The following TTC34 variants were observed in gnomAD, a reference collection of about 807,000 sequenced individuals.
TTC34 encodes the protein tetratricopeptide repeat protein 34.
In TTC34, 44 loss-of-function variants were observed where a neutral mutation model predicts 40.7. The ratio of observed to expected loss-of-function variants is 1.08; its 90% CI spans 0.85 to 1.39. The LOEUF (loss-of-function observed/expected upper bound fraction) is 1.39, where lower values mean the gene tolerates loss of function less well. Among genes scored for constraint, TTC34 ranks in the 40% most tolerant of loss-of-function variants. The pLI is 0.00. For missense variants in TTC34, 884 were observed against 838.0 expected, an observed-to-expected ratio of 1.05 and a Z score of -0.68; for synonymous variants, 422 against 398.6, an observed-to-expected ratio of 1.06 and a Z score of -0.70.
At chr1:2,790,298 A>C (rs959021003) in exon 3 of TTC34, 1 of 398,240 alleles carries the variant, frequency 2.5e-6, no homozygotes, top group African/African-American at 2.1e-5. Context: ...GCCGTCCAGG[A>C]AGAAGGCCGA....
chr1:2,781,828 G>T (rs1325463345), intron 6 of TTC34, among the ~76,000 whole-genome samples: 2 of 152,066 alleles, frequency 1.3e-5, no homozygotes, highest in African/African-American at 4.8e-5. Context: ...ATTGACATTT[G>T]TATGTTGAAC....
exon 3 of TTC34, chr1:2,790,230 C>T (rs1361737445): frequency 2.3e-5 from 9 of 398,296 alleles, no homozygotes; most frequent in Non-Finnish European, 4.0e-5. Flanking sequence ...TGCCTCCGCG[C>T]CCCAGAGGGG....
At chr1:2,636,987 G>A (rs576142834) in exon 9 of TTC34, 6 of 152,350 alleles carry the variant, frequency 3.9e-5, no homozygotes, top group South Asian at 4.1e-4. Context: ...CAATCGAAGT[G>A]TGAGAAGGGC....
chr1:2,757,726 C>G (rs1224756435), intron 6 of TTC34, among the ~76,000 whole-genome samples: 1 of 146,394 alleles, frequency 6.8e-6, no homozygotes, highest in Non-Finnish European at 1.5e-5. Flanking sequence ...AGGTGAGCAT[C>G]TGACAGCCTG....
intron 6 of TTC34, among the ~76,000 whole-genome samples, chr1:2,773,139 C>A (rs1405528383): frequency 8.8e-6 from 1 of 114,124 alleles, no homozygotes; most frequent in Non-Finnish European, 2.0e-5. Flanking sequence ...CACACACAAC[C>A]CCAGGCGAGC....
Position 2,690,959 on chromosome 1 carries a change from C to G in TTC34, c.2227-45396G>C, listed in dbSNP as rs577071347. On this transcript the variant is annotated intron_variant, in intron 6 of 8. Transcript: ENST00000401095. ...CCCACACCTCCAGGTGAGCATCTGACAGACTGGAACAGCACCCACACCCCT... is the reference window on the plus strand; with the variant it reads ...CCCACACCTCCAGGTGAGCATCTGAGAGACTGGAACAGCACCCACACCCCT... Among the ~76,000 whole-genome samples, 184 of 69,200 alleles carry G rather than the reference C, an allele frequency of 2.7e-3. 64 individuals are homozygous for G. The Middle Eastern group carries it at 0.039, about 15-fold the overall frequency. The allele number at this position is 69,200 out of a possible 152,430, so 45.4% of individuals were successfully genotyped here.
At chr1:2,687,462 G>A (rs531464002) in intron 6 of TTC34, among the ~76,000 whole-genome samples, 9 of 147,802 alleles carry the variant, frequency 6.1e-5, no homozygotes, top group Admixed American at 2.7e-4. Flanking sequence ...GTGAGCATCC[G>A]ACAGCCTGGA....
chr1:2,751,771 A>G, intron 6 of TTC34, among the ~76,000 whole-genome samples: 1 of 120,528 alleles, frequency 8.3e-6, no homozygotes, highest in Non-Finnish European at 1.7e-5. Flanking sequence ...CCCCACACCC[A>G]CAGGTGAGCA....
At chr1:2,755,558 T>G (rs1641475705) in intron 6 of TTC34, among the ~76,000 whole-genome samples, 1 of 100,006 alleles carries the variant, frequency 1.0e-5, no homozygotes, top group Non-Finnish European at 1.9e-5. Context: ...GGCGAGCATC[T>G]GAAACCACGG....
intron 2 of TTC34, among the ~76,000 whole-genome samples, chr1:2,792,227 G>A (rs974881148): frequency 1.3e-5 from 2 of 151,210 alleles, no homozygotes; most frequent in Non-Finnish European, 2.9e-5. Flanking sequence ...TTGAACTTCT[G>A]GGCCCAGGTG....
At chr1:2,687,192 G>A (rs1443880891) in intron 6 of TTC34, among the ~76,000 whole-genome samples, 3 of 136,500 alleles carry the variant, frequency 2.2e-5, no homozygotes, top group African/African-American at 9.5e-5. Context: ...AACCCACGGA[G>A]CAGCACCCAC....
chr1:2,757,727 T>A (rs1284015445), intron 6 of TTC34, among the ~76,000 whole-genome samples: 8 of 145,150 alleles, frequency 5.5e-5, no homozygotes, highest in African/African-American at 2.1e-4. Context: ...GGTGAGCATC[T>A]GACAGCCTGT....
At chr1:2,751,408 C>A (rs1412841374) in intron 6 of TTC34, among the ~76,000 whole-genome samples, 8 of 124,170 alleles carry the variant, frequency 6.4e-5, no homozygotes, top group East Asian at 2.7e-4. Flanking sequence ...CACCCACACA[C>A]ACAGGTGGGC....
chr1:2,653,423 T>C (rs1394743791), intron 6 of TTC34, among the ~76,000 whole-genome samples: 3 of 150,942 alleles, frequency 2.0e-5, no homozygotes, highest in African/African-American at 4.9e-5. Context: ...GGTGAGCATC[T>C]GACAGCCTGG....
chr1:2,698,368 A>C (rs12757684), intron 6 of TTC34, among the ~76,000 whole-genome samples: 195 of 18,796 alleles, frequency 0.01, no homozygotes, highest in South Asian at 0.014. Context: ...ACCCACACCC[A>C]CAGGCGAGCA....
At chr1:2,777,616 C>G (rs756140752) in intron 6 of TTC34, among the ~76,000 whole-genome samples, 3 of 150,896 alleles carry the variant, frequency 2.0e-5, no homozygotes, top group African/African-American at 7.3e-5. Flanking sequence ...CTGCTGAGCC[C>G]CAGCGCTGAG....
At chr1:2,776,081 C>T (rs1461633745) in intron 6 of TTC34, 1 of 140,368 alleles carries the variant, frequency 7.1e-6, no homozygotes, top group African/African-American at 3.0e-5. Flanking sequence ...CAGAACCCCA[C>T]AACTTCAAAT....
rs1029924973 is a variant in TTC34, at chr1:2,691,675, C to A, written c.2227-46112G>T. ...AACAGCACCGACACCCCCAGGTGAG[C>A]ATCTGACGGCCTGCAACAGCACCCA... On this transcript the variant is annotated intron_variant, in intron 6 of 8. Coordinates refer to ENST00000401095, the Ensembl canonical transcript of TTC34. Among the ~76,000 whole-genome samples the A allele has an allele frequency of 1.2e-4, 11 of 90,360 alleles. 1 individual carries two copies. The highest frequency in any genetic ancestry group is 4.0e-4 in the African/African-American group (11 of 27,796). 59.3% of individuals were successfully genotyped at this position (90,360 alleles called of 152,430 possible). A position where few individuals can be genotyped will look rare whatever the true frequency, so the allele number is the denominator to read the frequency against.
intron 6 of TTC34, among the ~76,000 whole-genome samples, chr1:2,778,374 G>T (rs577863424): frequency 4.1e-4 from 63 of 152,308 alleles, no homozygotes; most frequent in African/African-American, 1.4e-3. Flanking sequence ...AGGGCCCCGG[G>T]GCTGTGGCTG....
Sources: allele counts gnomAD v4.1 joint callset (sites outside exome capture counted in the v4.1 genomes callset), GRCh38; gene constraint gnomAD v4.1.1; transcripts MANE v1.5; gene names NCBI Gene and HGNC (gene_info 2026-07-23, HGNC 2026-07-21).